RELL1: variants seen among roughly 807,000 people sequenced by gnomAD.
The protein encoded by RELL1 is RELT like 1, also known as RELT-like protein 1.
In RELL1, 10 loss-of-function variants were observed where a neutral mutation model predicts 23.0. That is an observed-to-expected ratio of 0.43 (90% CI 0.27 to 0.74). The LOEUF (loss-of-function observed/expected upper bound fraction) is 0.74, where lower values mean the gene tolerates loss of function less well. Ranked by LOEUF, RELL1 falls within the 30% of genes least tolerant of loss-of-function variation. The probability of loss-of-function intolerance (pLI) is 0.19; values close to 1 mark genes in which losing one functional copy is unlikely to be tolerated. For missense variants in RELL1, 315 were observed against 364.4 expected, an observed-to-expected ratio of 0.86 and a Z score of 1.10; for synonymous variants, 146 against 146.8, an observed-to-expected ratio of 0.99 and a Z score of 0.04.
chr4:37,607,253 C>A (rs1257850734), downstream of RELL1, among the ~76,000 whole-genome samples: 1 of 152,102 alleles, frequency 6.6e-6, no homozygotes, highest in Non-Finnish European at 1.5e-5. Flanking sequence ...ATCCAAAGAA[C>A]GTTGTGGTTT....
At chr4:37,683,916 C>T (rs1377145707) in intron 1 of RELL1, among the ~76,000 whole-genome samples, 2 of 151,500 alleles carry the variant, frequency 1.3e-5, no homozygotes, top group Non-Finnish European at 2.9e-5. Flanking sequence ...CCCGTCTCTA[C>T]TAAAAATATA....
intron 6 of RELL1, among the ~76,000 whole-genome samples, chr4:37,596,044 C>T (rs1718832211): frequency 6.6e-6 from 1 of 152,176 alleles, no homozygotes; most frequent in African/African-American, 2.4e-5. Context: ...TGCAGCCATG[C>T]GTCATGACCT....
chr4:37,641,043 T>C (rs1050500807), intron 3 of RELL1, among the ~76,000 whole-genome samples: 2 of 152,096 alleles, frequency 1.3e-5, no homozygotes, highest in African/African-American at 4.8e-5. Flanking sequence ...AAATGAAAGG[T>C]CAAATTACAA....
At chr4:37,633,767 G>C (rs1720222141) in intron 5 of RELL1, among the ~76,000 whole-genome samples, 1 of 151,454 alleles carries the variant, frequency 6.6e-6, no homozygotes, top group Non-Finnish European at 1.5e-5. Context: ...ACCTCACCTA[G>C]TCTACACACA....
At chr4:37,604,830 CAT>C (rs1323125518) in intron 6 of RELL1, among the ~76,000 whole-genome samples, 1,241 of 43,540 alleles carry the variant, frequency 0.029, 61 homozygotes, top group South Asian at 0.094. Context: ...CAGACACACA[CAT>C]ACACACAGAC....
chr4:37,631,142 C>G (rs1720115461), intron 6 of RELL1, among the ~76,000 whole-genome samples: 1 of 152,088 alleles, frequency 6.6e-6, no homozygotes, highest in South Asian at 2.1e-4. Context: ...ACAAGTAATC[C>G]TCTATCCTCA....
At chr4:37,665,295 C>A (rs1337353691) in intron 1 of RELL1, 1 of 456,162 alleles carries the variant, frequency 2.2e-6, no homozygotes, top group East Asian at 6.9e-5. Context: ...TGCTTCACCC[C>A]CTTGTTGGGT....
intron 6 of RELL1, among the ~76,000 whole-genome samples, chr4:37,597,857 C>T (rs758938536): frequency 6.6e-6 from 1 of 151,832 alleles, no homozygotes; most frequent in Non-Finnish European, 1.5e-5. Context: ...TCAAGACCAG[C>T]CGGGCCAAAA....
chr4:37,649,474 A>G lies in RELL1; in HGVS notation c.115T>C (p.Ser39Pro). 1 of 1,613,958 alleles carries G rather than the reference A, an allele frequency of 6.2e-7. No individual in the cohort carries two copies. The highest frequency in any genetic ancestry group is 8.5e-7 in the Non-Finnish European group (1 of 1,179,924). The change falls in exon 2 of 7, where the codon TCC (serine) becomes CCC (proline). Residue 39 changes from serine (S) to proline (P), a missense_variant. Transcript: ENST00000454158. ...PDNGSSRTLH[S>P]RTETTPSPSN... ...GGCGACGGGGTCGTCTCTGTTCTGG[A>G]GTGCAATGTGCGGCTGCTCCCATTG...
At chr4:37,600,780 C>CGTGTGTGTGTGT (rs71189087) in intron 6 of RELL1, among the ~76,000 whole-genome samples, 12,438 of 147,572 alleles carry the variant, frequency 0.084, 693 homozygotes, top group East Asian at 0.22. Context: ...TGGATTTGTG[C>CGTGTGTGTGTGT]GTGTGTGTGT....
chr4:37,636,818 G>A (rs992715329), intron 4 of RELL1, among the ~76,000 whole-genome samples: 14 of 152,082 alleles, frequency 9.2e-5, no homozygotes, highest in African/African-American at 3.4e-4. Context: ...ACAGGAGGCT[G>A]TGATGGCAGA....
chr4:37,668,100 G>T (rs1232965784), intron 1 of RELL1, among the ~76,000 whole-genome samples: 1 of 151,576 alleles, frequency 6.6e-6, no homozygotes, highest in Non-Finnish European at 1.5e-5. Context: ...TTAGTGTTTT[G>T]TGTCTTAGCA....
intron 5 of RELL1, among the ~76,000 whole-genome samples, chr4:37,634,157 C>T (rs1256414993): frequency 3.3e-5 from 5 of 152,170 alleles, no homozygotes; most frequent in Middle Eastern, 3.2e-3. Flanking sequence ...ATCACTTGAA[C>T]TGCAAGATCT....
At chr4:37,665,947 G>A (rs1004953080) in intron 1 of RELL1, among the ~76,000 whole-genome samples, 13 of 152,130 alleles carry the variant, frequency 8.5e-5, no homozygotes, top group Non-Finnish European at 1.8e-4. Context: ...GAGCTGGCTG[G>A]AGGGAAGCAA....
chr4:37,615,280 A>T (rs1719539346), intron 6 of RELL1, among the ~76,000 whole-genome samples: 1 of 152,224 alleles, frequency 6.6e-6, no homozygotes, highest in Admixed American at 6.5e-5. Context: ...AATACAAATC[A>T]CTGCTTAAAG....
At chr4:37,618,109 T>C (rs1719634868) in intron 6 of RELL1, among the ~76,000 whole-genome samples, 1 of 152,128 alleles carries the variant, frequency 6.6e-6, no homozygotes, top group African/African-American at 2.4e-5. Context: ...CCATGCTGCA[T>C]ATCATTTTTA....
At chr4:37,675,277 G>T (rs1454223162) in intron 1 of RELL1, among the ~76,000 whole-genome samples, 2 of 152,224 alleles carry the variant, frequency 1.3e-5, no homozygotes, top group African/African-American at 4.8e-5. Flanking sequence ...TACTAGTGGT[G>T]CTGGGCACCG....
chr4:37,677,938 C>T (rs897712362), intron 1 of RELL1, among the ~76,000 whole-genome samples: 3 of 152,216 alleles, frequency 2.0e-5, no homozygotes, highest in East Asian at 1.9e-4. Context: ...CACCATTGCA[C>T]TCCAGCAGCC....
Position 37,686,308 on chromosome 4 carries a change from C to A in RELL1, c.-21G>T. The A allele has an allele frequency of 6.7e-7, 1 of 1,486,356 alleles. No homozygotes were observed. The highest frequency in any genetic ancestry group is 2.2e-5 in the Admixed American group (1 of 45,734). The allele number at this position is 1,486,356 out of a possible 1,614,324, so 92.1% of individuals were successfully genotyped here. On this transcript the variant is annotated 5_prime_UTR_variant, in exon 1 of 7. In the 5' UTR this introduces an upstream ATG that the reference lacks. Transcript: ENST00000454158. The stretch of plus-strand genomic sequence containing the variant: ...GCCATCGCCGCGTCGCTTCGCCCTC[C>A]TCCCCCAGGGCGCCGCGTCCCGCGC...
Sources: allele counts gnomAD v4.1 joint callset (sites outside exome capture counted in the v4.1 genomes callset), GRCh38; gene constraint gnomAD v4.1.1; transcripts MANE v1.5; gene names NCBI Gene and HGNC (gene_info 2026-07-23, HGNC 2026-07-21).